SUGCT: variants seen among roughly 807,000 people sequenced by gnomAD.
SUGCT encodes the protein succinyl-CoA:glutarate-CoA transferase.
SUGCT carries 41 observed loss-of-function variants against 55.0 expected under a neutral mutation model. The ratio of observed to expected loss-of-function variants is 0.74; its 90% CI spans 0.58 to 0.97. The LOEUF is 0.97. Ranked by LOEUF, SUGCT falls within the 50% of genes least tolerant of loss-of-function variation. The pLI is 0.00. For missense variants in SUGCT, 568 were observed against 547.8 expected, an observed-to-expected ratio of 1.04 and a Z score of -0.37; for synonymous variants, 187 against 200.4, an observed-to-expected ratio of 0.93 and a Z score of 0.56.
At chr7:40,477,960 A>G (rs1326937319) in intron 11 of SUGCT, among the ~76,000 whole-genome samples, 2 of 152,182 alleles carry the variant, frequency 1.3e-5, no homozygotes, top group Admixed American at 6.5e-5. Flanking sequence ...AAGTCTGACA[A>G]CAGCATCCCC....
intron 1 of SUGCT, among the ~76,000 whole-genome samples, chr7:40,171,720 T>G (rs1033831334): frequency 6.6e-6 from 1 of 152,192 alleles, no homozygotes; most frequent in Non-Finnish European, 1.5e-5. Flanking sequence ...CATTACTGAT[T>G]GAATGCATTT....
chr7:40,584,148 G>A (rs1797249826), intron 12 of SUGCT, among the ~76,000 whole-genome samples: 1 of 152,132 alleles, frequency 6.6e-6, no homozygotes, highest in South Asian at 2.1e-4. Context: ...TCTGTATTAT[G>A]TTTCTTCTCA....
At chr7:40,459,227 T>A (rs746188131) in intron 11 of SUGCT, 29 bp downstream of exon 11, 3 of 1,358,416 alleles carry the variant, frequency 2.2e-6, no homozygotes, top group East Asian at 4.6e-5. Flanking sequence ...TTCATCCATT[T>A]AAGAATTAAT....
intron 12 of SUGCT, among the ~76,000 whole-genome samples, chr7:40,542,456 G>A (rs1478891468): frequency 2.0e-5 from 3 of 152,268 alleles, no homozygotes; most frequent in Non-Finnish European, 2.9e-5. Flanking sequence ...GGGTCTTGGC[G>A]ATGATGTGGT....
intron 9 of SUGCT, among the ~76,000 whole-genome samples, chr7:40,320,440 A>C (rs773107506): frequency 6.6e-6 from 1 of 152,166 alleles, no homozygotes; most frequent in Non-Finnish European, 1.5e-5. Flanking sequence ...TTAAACAATT[A>C]TACTTAAAGA....
Position 40,831,682 on chromosome 7 carries a change from A to G in SUGCT, c.1154-28634A>G, listed in dbSNP as rs928021067. Among the ~76,000 whole-genome samples, 5 of 152,214 alleles carry G rather than the reference A, an allele frequency of 3.3e-5. No homozygotes were observed. In the East Asian group the frequency reaches 9.6e-4, roughly 29 times the overall value. On this transcript the variant is annotated intron_variant, in intron 13 of 13. Transcript: ENST00000335693. ...GCATCAGTCACATGGATTCTGTGGG[A>G]AAATATAACCTTGAGTTCCGACTGT...
rs565986474 is a variant in SUGCT, at chr7:40,629,555, G to A, written c.1090-119879G>A. ...GGCTGGATAACGGCAGGAGGAGGTGGTCAATTTTGAAGGCCATTATAGAGG... is the reference window on the plus strand; with the variant it reads ...GGCTGGATAACGGCAGGAGGAGGTGATCAATTTTGAAGGCCATTATAGAGG... On this transcript the variant is annotated intron_variant, in intron 12 of 13. Transcript: ENST00000335693. Among the ~76,000 whole-genome samples the A allele has an allele frequency of 5.7e-4, 87 of 152,174 alleles. No individual in the cohort carries two copies. The Middle Eastern group carries it at 0.01, about 18-fold the overall frequency.
chr7:40,986,519 A>G, the SUGCT span, among the ~76,000 whole-genome samples: 1 of 152,180 alleles, frequency 6.6e-6, no homozygotes. Context: ...GACTCCGATA[A>G]TATTTATCGG....
At chr7:40,751,128 G>A (rs1787990209) in intron 13 of SUGCT, among the ~76,000 whole-genome samples, 1 of 152,206 alleles carries the variant, frequency 6.6e-6, no homozygotes, top group African/African-American at 2.4e-5. Flanking sequence ...AAGTCTCTCT[G>A]AGAGGCAGAC....
intron 9 of SUGCT, among the ~76,000 whole-genome samples, chr7:40,440,124 G>A (rs12701822): frequency 0.58 from 80,675 of 139,582 alleles, 23,142 homozygotes; most frequent in South Asian, 0.66. Context: ...AATGAGTCAA[G>A]TTTTTTGTCT....
Position 40,211,695 on chromosome 7 carries a change from C to T in SUGCT, c.484+16635C>T, listed in dbSNP as rs560839734. Among the ~76,000 whole-genome samples the T allele has an allele frequency of 2.6e-5, 4 of 152,250 alleles. No homozygotes were observed. In the East Asian group the frequency reaches 7.7e-4, roughly 29 times the overall value. On this transcript the variant is annotated intron_variant, in intron 6 of 13. Coordinates refer to ENST00000335693, the MANE Select transcript of SUGCT (RefSeq NM_001193313.2). ...TCAGATGAAGATGGTGGAGAGAAAG[C>T]GGGACAAGGCCCAGGTGGAATCTGG... is the stretch of plus-strand genomic sequence containing the variant.
chr7:40,410,002 G>A (rs1786584770), intron 9 of SUGCT, among the ~76,000 whole-genome samples: 1 of 152,072 alleles, frequency 6.6e-6, no homozygotes. Context: ...TCTGTGTCTA[G>A]ATATTTTACA....
At chr7:40,496,950 C>T (rs908695166) in intron 12 of SUGCT, among the ~76,000 whole-genome samples, 3 of 152,168 alleles carry the variant, frequency 2.0e-5, no homozygotes, top group Non-Finnish European at 4.4e-5. Context: ...CGTTGCTTAT[C>T]AGGCTCCTTT....
intron 6 of SUGCT, among the ~76,000 whole-genome samples, chr7:40,231,099 CA>C (rs746586333): frequency 3.3e-5 from 5 of 151,964 alleles, no homozygotes; most frequent in Non-Finnish European, 7.4e-5. Context: ...GAGAGAGGAC[CA>C]AATATGGACT....
intron 6 of SUGCT, among the ~76,000 whole-genome samples, chr7:40,225,927 T>G (rs1414269816): frequency 6.6e-6 from 1 of 152,198 alleles, no homozygotes; most frequent in Non-Finnish European, 1.5e-5. Flanking sequence ...CTTTGTATAG[T>G]TCTTGTGAGA....
chr7:40,427,321 T>C (rs1787636555), intron 9 of SUGCT, among the ~76,000 whole-genome samples: 1 of 152,184 alleles, frequency 6.6e-6, no homozygotes, highest in South Asian at 2.1e-4. Context: ...ATTTATATAT[T>C]ATACAAGACA....
At chr7:40,307,187 C>T (rs895462161) in intron 8 of SUGCT, among the ~76,000 whole-genome samples, 1 of 152,110 alleles carries the variant, frequency 6.6e-6, no homozygotes, top group Non-Finnish European at 1.5e-5. Flanking sequence ...TCAATGTTTA[C>T]AGGTAAAATA....
intron 1 of SUGCT, among the ~76,000 whole-genome samples, chr7:40,155,142 G>T (rs1443497229): frequency 1.3e-5 from 2 of 152,126 alleles, no homozygotes; most frequent in East Asian, 3.9e-4. Flanking sequence ...AAAATTAGCT[G>T]GGTGTAGTGG....
At chr7:40,594,597 G>A (rs1241981556) in intron 12 of SUGCT, among the ~76,000 whole-genome samples, 1 of 152,046 alleles carries the variant, frequency 6.6e-6, no homozygotes, top group Non-Finnish European at 1.5e-5. Flanking sequence ...GTCAAACTAT[G>A]GCCCCAGATT....
Sources: gnomAD v4.1 joint callset for allele counts (sites outside exome capture counted in the v4.1 genomes callset) on GRCh38, gnomAD v4.1.1 for gene constraint, MANE v1.5 for transcripts, NCBI Gene and HGNC (gene_info 2026-07-23, HGNC 2026-07-21) for gene names.